Variants in KIF2A observed in about 807,000 individuals in gnomAD.
KIF2A encodes the protein kinesin-like protein KIF2A.
Under a neutral mutation model 100.2 loss-of-function variants are expected in KIF2A, and 22 were observed. The observed-to-expected ratio is 0.22, with a 90% CI of 0.16 to 0.31. The LOEUF is 0.31. Ranked by LOEUF, KIF2A falls within the 10% of genes least tolerant of loss-of-function variation. The pLI is 1.00. For missense variants in KIF2A, 495 were observed against 898.7 expected, an observed-to-expected ratio of 0.55 and a Z score of 5.74; for synonymous variants, 268 against 285.9, an observed-to-expected ratio of 0.94 and a Z score of 0.63.
intron 1 of KIF2A, among the ~76,000 whole-genome samples, chr5:62,327,786 C>G (rs1265012345): frequency 6.6e-6 from 1 of 152,200 alleles, no homozygotes; most frequent in Non-Finnish European, 1.5e-5. Context: ...TTCCACGACT[C>G]AGGGCCACTA....
intron 9 of KIF2A, among the ~76,000 whole-genome samples, chr5:62,358,629 A>C (rs1394462749): frequency 1.3e-5 from 2 of 152,326 alleles, no homozygotes; most frequent in African/African-American, 4.8e-5. Context: ...TATGATAAGA[A>C]GACTTTTAAT....
chr5:62,323,379 C>T (rs1041689346), intron 1 of KIF2A, among the ~76,000 whole-genome samples: 8 of 151,870 alleles, frequency 5.3e-5, no homozygotes, highest in South Asian at 2.1e-4. Flanking sequence ...AAAAATTAGC[C>T]GGGCGCGGCG....
intron 1 of KIF2A, among the ~76,000 whole-genome samples, chr5:62,334,897 C>T (rs1375721436): frequency 3.9e-5 from 6 of 152,172 alleles, no homozygotes; most frequent in African/African-American, 1.2e-4. Context: ...GAATACTCCC[C>T]GCCTCGGCCC....
In KIF2A at chr5:62,319,730, A is replaced by G. The variant is rs965427647; in HGVS notation, c.64+13194A>G. 2.7e-4 allele frequency among the ~76,000 whole-genome samples: 41 copies of G among 152,156 alleles called. 1 individual carries two copies. Among genetic ancestry groups the G allele is most frequent in the Non-Finnish European group, 5.0e-4 (34 of 68,020 alleles). ...CAAGTTTTGACATTCTAAAAAATTG[A>G]CTTGTGTTGTTCATCCTCCAGGCAT... On this transcript the variant is annotated intron_variant, in intron 1 of 20. Transcript: ENST00000407818.
intron 1 of KIF2A, among the ~76,000 whole-genome samples, chr5:62,320,039 T>A (rs1466607120): frequency 6.6e-6 from 1 of 152,192 alleles, no homozygotes; most frequent in Non-Finnish European, 1.5e-5. Flanking sequence ...AAATCTCTGC[T>A]TATATATCTC....
chr5:62,343,179 G>A (rs1747388269), intron 1 of KIF2A, among the ~76,000 whole-genome samples: 1 of 152,064 alleles, frequency 6.6e-6, no homozygotes, highest in South Asian at 2.1e-4. Flanking sequence ...CACTTCCACT[G>A]GTTATTTACC....
intron 19 of KIF2A, among the ~76,000 whole-genome samples, chr5:62,380,290 C>T (rs1741717808): frequency 6.6e-6 from 1 of 152,172 alleles, no homozygotes; most frequent in African/African-American, 2.4e-5. Context: ...CATCAAAGTG[C>T]TCAGTAGCTT....
At chr5:62,307,686 C>T (rs1052229259) in intron 1 of KIF2A, among the ~76,000 whole-genome samples, 14 of 149,688 alleles carry the variant, frequency 9.4e-5, no homozygotes, top group Non-Finnish European at 1.9e-4. Flanking sequence ...GGTGCGATCT[C>T]GGCCCACTGC....
chr5:62,365,647 T>C (rs1457151426), intron 15 of KIF2A, among the ~76,000 whole-genome samples: 2 of 152,122 alleles, frequency 1.3e-5, no homozygotes, highest in African/African-American at 4.8e-5. Flanking sequence ...TTCTTTATGG[T>C]CATATGTCTG....
rs369135135 is a variant in KIF2A at position 62,333,899 on chromosome 5, T to C, written c.65-13231T>C. On this transcript the variant is annotated intron_variant, in intron 1 of 20. Transcript: ENST00000407818. ...CTCCCAGCATCCTGCCCAGCCAACA[T>C]TTCAGGTTGGTAAAATGGACTCCAA... 1.4e-4 allele frequency among the ~76,000 whole-genome samples: 21 copies of C among 152,210 alleles called. No individual in the cohort carries two copies. The East Asian group carries it at 3.5e-3, about 25-fold the overall frequency.
At chr5:62,353,919 G>A (rs1182228652) in intron 6 of KIF2A, among the ~76,000 whole-genome samples, 4 of 148,924 alleles carry the variant, frequency 2.7e-5, no homozygotes, top group Non-Finnish European at 5.9e-5. Context: ...ATAGAAAACT[G>A]GTCTTTTACT....
chr5:62,345,035 C>G (rs988174758), intron 1 of KIF2A, among the ~76,000 whole-genome samples: 1 of 152,084 alleles, frequency 6.6e-6, no homozygotes, highest in African/African-American at 2.4e-5. Flanking sequence ...CGCCTGAGGC[C>G]AGGAGTTTGA....
At position 62,389,212 on chromosome 5, in the gene KIF2A, G is replaced by A. The variant is rs897458988; in HGVS notation, c.*3643G>A. ...ATTAAAGAAACGTTACTGGCTGGGC[G>A]CAGTGGCTTATGCCTGTAATCCCAG... On this transcript the variant is annotated 3_prime_UTR_variant, in exon 21 of 21. Transcript: ENST00000407818. Among the ~76,000 whole-genome samples the A allele has an allele frequency of 4.6e-5, 7 of 151,966 alleles. No homozygotes were observed. In the East Asian group the frequency reaches 7.7e-4, roughly 17 times the overall value.
intron 1 of KIF2A, among the ~76,000 whole-genome samples, chr5:62,320,455 CCTTA>C (rs1184813016): frequency 2.0e-5 from 3 of 152,108 alleles, no homozygotes; most frequent in Non-Finnish European, 2.9e-5. Flanking sequence ...TATGAATTTA[CCTTA>C]CTATCTGCAA....
At chr5:62,360,174 G>A (rs1411423875) in intron 9 of KIF2A, among the ~76,000 whole-genome samples, 2 of 142,272 alleles carry the variant, frequency 1.4e-5, no homozygotes, top group Non-Finnish European at 3.1e-5. Flanking sequence ...ATTTTTAGTA[G>A]AGACGGGGTT....
At chr5:62,351,732 C>A (rs1304297417) in intron 4 of KIF2A, among the ~76,000 whole-genome samples, 1 of 151,738 alleles carries the variant, frequency 6.6e-6, no homozygotes, top group African/African-American at 2.4e-5. Flanking sequence ...TTGGGAAATT[C>A]TCTGCTGAAG....
At chr5:62,367,589 T>A (rs375554825) in intron 16 of KIF2A, among the ~76,000 whole-genome samples, 1 of 152,248 alleles carries the variant, frequency 6.6e-6, no homozygotes. Flanking sequence ...CTATATGGGT[T>A]ACATTTTGTT....
intron 1 of KIF2A, among the ~76,000 whole-genome samples, chr5:62,327,073 T>TA (rs2111831117): frequency 6.6e-6 from 1 of 152,352 alleles, no homozygotes; most frequent in South Asian, 2.1e-4. Context: ...TTGTTTGAAA[T>TA]ACCTTCACTT....
chr5:62,331,405 A>G (rs1479431807), intron 1 of KIF2A, among the ~76,000 whole-genome samples: 1 of 150,654 alleles, frequency 6.6e-6, no homozygotes, highest in African/African-American at 2.5e-5. Context: ...GAGCAAGACT[A>G]TGTCTAAAAA....
Sources: gnomAD v4.1 joint callset for allele counts (sites outside exome capture counted in the v4.1 genomes callset) on GRCh38, gnomAD v4.1.1 for gene constraint, MANE v1.5 for transcripts, NCBI Gene and HGNC (gene_info 2026-07-23, HGNC 2026-07-21) for gene names.